CCDC85C: variants seen among roughly 807,000 people sequenced by gnomAD.
CCDC85C encodes coiled-coil domain-containing protein 85C.
CCDC85C carries 18 observed loss-of-function variants against 38.3 expected under a neutral mutation model. The observed-to-expected ratio is 0.47, with a 90% confidence interval of 0.33 to 0.70. The LOEUF (loss-of-function observed/expected upper bound fraction) is 0.70. CCDC85C is among the 30% of genes least tolerant of loss of function. The probability of loss-of-function intolerance (pLI) is 0.03; values close to 1 mark genes in which losing one functional copy is unlikely to be tolerated. For synonymous variants in CCDC85C, 264 were observed against 293.8 expected, an observed-to-expected ratio of 0.90 and a Z score of 1.04; for missense variants, 566 against 621.2, an observed-to-expected ratio of 0.91 and a Z score of 0.94.
In CCDC85C at chr14:99,510,554, C is replaced by T; in HGVS notation, c.*4692G>A. ...CTGCCATCCCACCCCCTACTCCTGG[C>T]TACCCCCCACCCCCACCCACCTACA... On this transcript the variant is annotated 3_prime_UTR_variant, in exon 6 of 6. Transcript: ENST00000380243. 2.4e-6 allele frequency: 1 copy of T among 420,772 alleles called. No individual in the cohort carries two copies. The highest frequency in any genetic ancestry group is 5.2e-5 in the East Asian group (1 of 19,326). 26.1% of individuals were successfully genotyped at this position (420,772 alleles called of 1,614,324 possible). A position where few individuals can be genotyped will look rare whatever the true frequency, so the allele number is the denominator to read the frequency against.
intron 1 of CCDC85C, among the ~76,000 whole-genome samples, chr14:99,578,505 A>T (rs1354942445): frequency 6.7e-6 from 1 of 150,358 alleles, no homozygotes; most frequent in African/African-American, 2.5e-5. Flanking sequence ...GTGTATGTCA[A>T]CTCCCATCAC....
intron 1 of CCDC85C, among the ~76,000 whole-genome samples, chr14:99,578,914 T>C (rs1229536790): frequency 6.6e-6 from 1 of 152,018 alleles, no homozygotes; most frequent in Non-Finnish European, 1.5e-5. Flanking sequence ...CGTGTCACCC[T>C]GCTGGTGTTG....
Position 99,513,590 on chromosome 14 carries a change from G to C in CCDC85C, c.*1656C>G, listed in dbSNP as rs1382311203. ...GGCAGCAAGAACTGCTCAGAATAGA[G>C]CCGCCAGCTAGGGAGAGGGACAGGG... On this transcript the variant is annotated 3_prime_UTR_variant, in exon 6 of 6. Coordinates refer to ENST00000380243, the MANE Select transcript of CCDC85C (RefSeq NM_001144995.2). 1 of 152,280 alleles carries C rather than the reference G, an allele frequency of 6.6e-6. No individual in the cohort carries two copies. The highest frequency in any genetic ancestry group is 6.5e-5 in the Admixed American group (1 of 15,290). The allele number at this position is 152,280 out of a possible 1,614,324, so 9.4% of individuals were successfully genotyped here. A position where few individuals can be genotyped will look rare whatever the true frequency, so the allele number is the denominator to read the frequency against.
In CCDC85C at chr14:99,510,374, G is replaced by C; in HGVS notation, c.*4872C>G. The C allele has an allele frequency of 6.3e-7, 1 of 1,576,014 alleles. No homozygotes were observed. Among genetic ancestry groups the C allele is most frequent in the Non-Finnish European group, 8.6e-7 (1 of 1,164,470 alleles). On this transcript the variant is annotated 3_prime_UTR_variant, in exon 6 of 6. Coordinates refer to ENST00000380243, the MANE Select transcript of CCDC85C (RefSeq NM_001144995.2). ...CCTACATGTCTGGAGAGGGCTACCAGAGCCTGCAGTCCATGATGAAGACCG... is the reference window on the plus strand; with the variant it reads ...CCTACATGTCTGGAGAGGGCTACCACAGCCTGCAGTCCATGATGAAGACCG...
rs1278270010 is a variant in CCDC85C, at chr14:99,572,832, C to T, written c.793+30335G>A. On this transcript the variant is annotated intron_variant, in intron 1 of 5. Coordinates refer to ENST00000380243, the MANE Select transcript of CCDC85C (RefSeq NM_001144995.2). The surrounding 1 kb of genome is among the most constrained non-coding windows in gnomAD (Gnocchi z 4.4). ...GTATCCCAGGAGCATGGAAACGGGG[C>T]CTGGTGTGCAACAGGTGCTCAGTAA... The T allele has an allele frequency of 8.8e-6, 4 of 455,960 alleles. No individual in the cohort carries two copies. The highest frequency in any genetic ancestry group is 1.5e-5 in the South Asian group (1 of 64,560). 28.2% of individuals were successfully genotyped at this position (455,960 alleles called of 1,614,324 possible). A position where few individuals can be genotyped will look rare whatever the true frequency, so the allele number is the denominator to read the frequency against.
chr14:99,541,506 C>T (rs1488040400), intron 1 of CCDC85C, among the ~76,000 whole-genome samples: 1 of 152,188 alleles, frequency 6.6e-6, no homozygotes, highest in Non-Finnish European at 1.5e-5. Flanking sequence ...ATGTGGGTGG[C>T]AACCCCAGGA....
At chr14:99,579,980 A>C (rs2054948002) in intron 1 of CCDC85C, 1 of 452,306 alleles carries the variant, frequency 2.2e-6, no homozygotes, top group Non-Finnish European at 4.4e-6. Context: ...TAATCACCTC[A>C]GCAGCGGACC....
rs2055243856 is a variant in CCDC85C, at chr14:99,603,994, C to A, written c.-35G>T. On this transcript the variant is annotated 5_prime_UTR_variant, in exon 1 of 6. Transcript: ENST00000380243. This position sits in a 1 kb window ranked among gnomAD's most constrained non-coding sequence, Gnocchi z 7.5. The stretch of plus-strand genomic sequence containing the variant: ...GTCACCGCGGCATCGCCCTCGCCCT[C>A]GCCCGGCCGGCGCTTCCCCGCGCCG... 1.6e-6 allele frequency: 2 copies of A among 1,218,200 alleles called. No individual in the cohort carries two copies. Among genetic ancestry groups the A allele is most frequent in the Admixed American group, 4.5e-5 (1 of 22,390 alleles). The allele number at this position is 1,218,200 out of a possible 1,614,324, so 75.5% of individuals were successfully genotyped here.
At chr14:99,602,517 G>C (rs1206840692) in intron 1 of CCDC85C, among the ~76,000 whole-genome samples, 1 of 152,236 alleles carries the variant, frequency 6.6e-6, no homozygotes, top group Non-Finnish European at 1.5e-5. Context: ...AGAAAAGCTA[G>C]AATCCGTTCC....
At chr14:99,591,156 C>T (rs957903407) in intron 1 of CCDC85C, among the ~76,000 whole-genome samples, 5 of 152,200 alleles carry the variant, frequency 3.3e-5, no homozygotes, top group African/African-American at 1.2e-4. Flanking sequence ...CTGTCCCCAC[C>T]CCACCGTTTA....
intron 1 of CCDC85C, chr14:99,573,122 A>G (rs1378718102): frequency 6.8e-6 from 2 of 295,924 alleles, no homozygotes; most frequent in African/African-American, 4.3e-5. Context: ...TCAGGCGTGC[A>G]GCTGCCTGGG....
In CCDC85C at chr14:99,576,648, C is replaced by G. The variant is rs1340601292; in HGVS notation, c.793+26519G>C. The G allele has an allele frequency of 6.6e-6, 1 of 152,268 alleles. No individual in the cohort carries two copies. The highest frequency in any genetic ancestry group is 1.9e-4 in the East Asian group (1 of 5,190). The allele number at this position is 152,268 out of a possible 1,614,324, so 9.4% of individuals were successfully genotyped here. On this transcript the variant is annotated intron_variant, in intron 1 of 5. Transcript: ENST00000380243. The surrounding 1 kb of genome is among the most constrained non-coding windows in gnomAD (Gnocchi z 4.8). The stretch of plus-strand genomic sequence containing the variant: ...AGAGTTCCCCCACACCTGCCCCAAC[C>G]CCCAAGCCTTGCCCTTTCCCACCAA...
chr14:99,533,940 G>A lies in CCDC85C; in HGVS notation c.867+2075C>T, dbSNP rs1043423281. The stretch of plus-strand genomic sequence containing the variant: ...CAAGTCCGTGGTCAGGAACTGGGGT[G>A]TATTTTTCCAGTGGGACACTGTGGC... On this transcript the variant is annotated intron_variant, in intron 2 of 5. Coordinates refer to ENST00000380243, the MANE Select transcript of CCDC85C (RefSeq NM_001144995.2). The surrounding 1 kb of genome is among the most constrained non-coding windows in gnomAD (Gnocchi z 4.2). 3.9e-5 allele frequency among the ~76,000 whole-genome samples: 6 copies of A among 152,250 alleles called. No homozygotes were observed. The highest frequency in any genetic ancestry group is 1.4e-4 in the African/African-American group (6 of 41,472).
chr14:99,578,893 T>C (rs1187562208), intron 1 of CCDC85C, among the ~76,000 whole-genome samples: 1 of 151,238 alleles, frequency 6.6e-6, no homozygotes, highest in Non-Finnish European at 1.5e-5. Context: ...AGGTGACAGG[T>C]GGATGTGGTC....
At chr14:99,594,113 C>G (rs1427192487) in intron 1 of CCDC85C, among the ~76,000 whole-genome samples, 1 of 152,048 alleles carries the variant, frequency 6.6e-6, no homozygotes. Context: ...GTGGGTCAAC[C>G]ACTATCTGGC....
At chr14:99,518,567 G>A (rs1014687384) in intron 3 of CCDC85C, among the ~76,000 whole-genome samples, 9 of 151,454 alleles carry the variant, frequency 5.9e-5, no homozygotes, top group African/African-American at 2.2e-4. Context: ...CTGGGGCAAC[G>A]CAAGGCGGCA....
chr14:99,560,339 T>C (rs1188438877), intron 1 of CCDC85C, among the ~76,000 whole-genome samples: 1 of 152,076 alleles, frequency 6.6e-6, no homozygotes, highest in African/African-American at 2.4e-5. Flanking sequence ...GGACAGCCCA[T>C]GAATCTTCTG....
chr14:99,578,475 T>C (rs1045496168), intron 1 of CCDC85C, among the ~76,000 whole-genome samples: 2 of 152,130 alleles, frequency 1.3e-5, no homozygotes, highest in African/African-American at 4.8e-5. Flanking sequence ...ATGGTAGTGA[T>C]GTGGTTGCTT....
chr14:99,546,999 T>C (rs575321781), intron 1 of CCDC85C, among the ~76,000 whole-genome samples: 57 of 152,136 alleles, frequency 3.7e-4, no homozygotes, highest in African/African-American at 1.3e-3. Context: ...CGAGACCCCA[T>C]TGTGATTTCT....
Sources: allele counts gnomAD v4.1 joint callset (sites outside exome capture counted in the v4.1 genomes callset), GRCh38; gene constraint gnomAD v4.1.1; non-coding constraint Gnocchi (gnomAD v3.1); transcripts MANE v1.5; gene names NCBI Gene and HGNC (gene_info 2026-07-23, HGNC 2026-07-21).